The following ROR1 variants were observed in gnomAD, a reference collection of about 807,000 sequenced individuals.
ROR1 encodes ROR family WNT receptor 1.
ROR1 carries 19 observed loss-of-function variants against 78.8 expected under a neutral mutation model. That is an observed-to-expected ratio of 0.24 (90% CI 0.17 to 0.35). ROR1 has a LOEUF of 0.35. Ranked by LOEUF, ROR1 falls within the 10% of genes least tolerant of loss-of-function variation. The pLI, the probability that ROR1 is intolerant of heterozygous loss-of-function variation, is 1.00. For missense variants in ROR1, 917 were observed against 1,177.8 expected (o/e 0.78, Z 3.24); for synonymous variants, 386 against 433.6 (o/e 0.89, Z 1.36).
chr1:64,058,290 T>C (rs753945160), intron 4 of ROR1, among the ~76,000 whole-genome samples: 10 of 152,156 alleles, frequency 6.6e-5, no homozygotes, highest in African/African-American at 9.6e-5. Flanking sequence ...TTGTTTTACT[T>C]TTTTCTTTTC....
intron 1 of ROR1, among the ~76,000 whole-genome samples, chr1:63,890,486 G>C (rs963948939): frequency 1.3e-5 from 2 of 151,112 alleles, no homozygotes; most frequent in East Asian, 3.9e-4. Flanking sequence ...CCCTCAGGGA[G>C]CTCATAGTCC....
chr1:64,014,117 G>A (rs1381564592), intron 2 of ROR1, among the ~76,000 whole-genome samples: 2 of 152,230 alleles, frequency 1.3e-5, no homozygotes, highest in East Asian at 3.9e-4. Flanking sequence ...TGACAACTGA[G>A]TGCATTCATA....
At chr1:63,800,634 T>A (rs926382889) in intron 1 of ROR1, among the ~76,000 whole-genome samples, 1 of 152,224 alleles carries the variant, frequency 6.6e-6, no homozygotes, top group African/African-American at 2.4e-5. Flanking sequence ...GTCTGAGTAC[T>A]GGCAGCATCC....
chr1:63,905,881 T>G (rs924931613), intron 1 of ROR1, among the ~76,000 whole-genome samples: 2 of 152,336 alleles, frequency 1.3e-5, no homozygotes, highest in African/African-American at 4.8e-5. Flanking sequence ...GTAACAGGAA[T>G]TTTTAGTTAC....
intron 1 of ROR1, among the ~76,000 whole-genome samples, chr1:63,860,590 C>CACACACAT (rs1553138066): frequency 5.8e-4 from 86 of 148,830 alleles, no homozygotes; most frequent in Middle Eastern, 6.8e-3. Flanking sequence ...CACACACACA[C>CACACACAT]ACACACACAC....
chr1:64,139,026 G>A (rs1396789814), intron 5 of ROR1, among the ~76,000 whole-genome samples: 1 of 151,992 alleles, frequency 6.6e-6, no homozygotes, highest in Admixed American at 6.6e-5. Context: ...TATCAGCTGG[G>A]TGTGGTGGCA....
At chr1:63,937,799 G>A (rs1645805518) in intron 1 of ROR1, among the ~76,000 whole-genome samples, 1 of 152,190 alleles carries the variant, frequency 6.6e-6, no homozygotes, top group Non-Finnish European at 1.5e-5. Context: ...ATGTGACATG[G>A]ATTGCAAAGG....
chr1:64,045,347 CTT>C (rs1180337466), intron 2 of ROR1, among the ~76,000 whole-genome samples: 2 of 151,766 alleles, frequency 1.3e-5, no homozygotes, highest in African/African-American at 4.8e-5. Flanking sequence ...AAAAATGCCA[CTT>C]TTCTCACTAT....
intron 1 of ROR1, among the ~76,000 whole-genome samples, chr1:63,968,114 G>T (rs772637486): frequency 2.0e-5 from 3 of 152,130 alleles, no homozygotes; most frequent in Non-Finnish European, 4.4e-5. Flanking sequence ...TTTTCTGTCA[G>T]ATCCAAGAAT....
intron 1 of ROR1, chr1:63,843,101 C>T: frequency 1.7e-6 from 1 of 587,034 alleles, no homozygotes; most frequent in Non-Finnish European, 3.1e-6. Context: ...TCCCCCCAGC[C>T]CCTCTGGTCT....
chr1:64,072,675 G>A (rs1402968723), intron 4 of ROR1, among the ~76,000 whole-genome samples: 1 of 152,094 alleles, frequency 6.6e-6, no homozygotes, highest in Non-Finnish European at 1.5e-5. Context: ...GTTCCCACAG[G>A]TCTGCCAGGG....
intron 1 of ROR1, among the ~76,000 whole-genome samples, chr1:63,818,484 C>T (rs989388214): frequency 2.0e-5 from 3 of 152,214 alleles, no homozygotes; most frequent in African/African-American, 7.2e-5. Context: ...CATCTAACCT[C>T]TAAGATCTAT....
At chr1:63,779,294 T>G (rs1644636914) in intron 1 of ROR1, among the ~76,000 whole-genome samples, 1 of 152,230 alleles carries the variant, frequency 6.6e-6, no homozygotes, top group Non-Finnish European at 1.5e-5. Context: ...CGGGGATTTA[T>G]TAGAGTGCTG....
chr1:64,035,443 T>G (rs1458905926), intron 2 of ROR1, among the ~76,000 whole-genome samples: 1 of 152,198 alleles, frequency 6.6e-6, no homozygotes, highest in Non-Finnish European at 1.5e-5. Context: ...TGTTGTCTGA[T>G]AGCTGCTTTC....
intron 1 of ROR1, among the ~76,000 whole-genome samples, chr1:63,843,913 A>G (rs1395159700): frequency 6.6e-6 from 1 of 152,110 alleles, no homozygotes; most frequent in East Asian, 1.9e-4. Flanking sequence ...CCTGAGACAT[A>G]AATCTGACTC....
At chr1:63,958,111 A>G (rs898626212) in intron 1 of ROR1, among the ~76,000 whole-genome samples, 8 of 152,194 alleles carry the variant, frequency 5.3e-5, no homozygotes, top group Non-Finnish European at 1.0e-4. Context: ...ACAGCTGTAT[A>G]GAATTTTGTC....
intron 4 of ROR1, among the ~76,000 whole-genome samples, chr1:64,074,730 CT>C (rs1222169599): frequency 6.6e-6 from 1 of 152,192 alleles, no homozygotes. Context: ...AAGTATATGA[CT>C]CTATGCCTTA....
At chr1:63,785,530 AT>A (rs569838077) in intron 1 of ROR1, among the ~76,000 whole-genome samples, 13 of 134,676 alleles carry the variant, frequency 9.7e-5, no homozygotes, top group Admixed American at 7.2e-5. Context: ...TATTTATTTA[AT>A]TTTTTTTTTG....
At chr1:64,033,209 C>T (rs1198362429) in intron 2 of ROR1, among the ~76,000 whole-genome samples, 1 of 152,160 alleles carries the variant, frequency 6.6e-6, no homozygotes, top group Non-Finnish European at 1.5e-5. Context: ...CATGCATCCC[C>T]AGAAACAGGA....
Sources: allele counts gnomAD v4.1 joint callset (sites outside exome capture counted in the v4.1 genomes callset), GRCh38; gene constraint gnomAD v4.1.1; transcripts MANE v1.5; gene names NCBI Gene and HGNC (gene_info 2026-07-23, HGNC 2026-07-21).